The following TBX5 variants were observed in gnomAD, a reference collection of about 807,000 sequenced individuals.
TBX5 encodes the protein T-box transcription factor 5, also known as T-box transcription factor TBX5.
A neutral mutation model predicts 51.1 loss-of-function variants in TBX5; 8 were observed. The ratio of observed to expected loss-of-function variants is 0.16; its 90% CI spans 0.09 to 0.28. TBX5 has a LOEUF of 0.28. Ranked by LOEUF, TBX5 falls within the 10% of genes least tolerant of loss-of-function variation. The pLI is 1.00. For missense variants in TBX5, 589 were observed against 671.7 expected (o/e 0.88, Z 1.36); for synonymous variants, 302 against 266.4 (o/e 1.13, Z -1.30).
intron 6 of TBX5, among the ~76,000 whole-genome samples, chr12:114,387,194 C>G (rs1377376337): frequency 1.3e-5 from 2 of 152,130 alleles, no homozygotes; most frequent in Non-Finnish European, 2.9e-5. Flanking sequence ...AAAATCATCT[C>G]GAGTCTTTCC....
At chr12:114,378,243 A>T (rs538333264) in intron 7 of TBX5, among the ~76,000 whole-genome samples, 2 of 152,284 alleles carry the variant, frequency 1.3e-5, no homozygotes, top group South Asian at 2.1e-4. Flanking sequence ...ATTCTGTGTG[A>T]GGTGAGCTAA....
chr12:114,370,273 GA>G (rs1247160543), intron 7 of TBX5, among the ~76,000 whole-genome samples: 18 of 58,752 alleles, frequency 3.1e-4, no homozygotes, highest in African/African-American at 8.3e-4. Flanking sequence ...GAAAAGAAAA[GA>G]AAAGAAAAGA....
At chr12:114,365,829 CAAAA>C (rs56315440) in intron 8 of TBX5, among the ~76,000 whole-genome samples, 2 of 124,652 alleles carry the variant, frequency 1.6e-5, no homozygotes, top group African/African-American at 3.0e-5. Context: ...GATCCTGTCT[CAAAA>C]AAAAAAAAAA....
Position 114,366,397 on chromosome 12 carries a change from A to C in TBX5, c.756-6T>G, listed in dbSNP as rs531799406. Reference sequence around the variant, plus strand: ...GGACCACGGGATATTCTTTACTGAAAGAGAAAAGATGGGAGATAACGCCTA... The same window carrying C: ...GGACCACGGGATATTCTTTACTGAACGAGAAAAGATGGGAGATAACGCCTA... On this transcript the variant is annotated splice_polypyrimidine_tract_variant and splice_region_variant and intron_variant, in intron 7 of 8. Coordinates refer to ENST00000405440, the MANE Select transcript of TBX5 (RefSeq NM_181486.4). The C allele has an allele frequency of 2.5e-6, 4 of 1,613,900 alleles. No homozygotes were observed. In the East Asian group the frequency reaches 6.7e-5, roughly 27 times the overall value.
At chr12:114,368,897 C>T (rs1869703049) in intron 7 of TBX5, among the ~76,000 whole-genome samples, 1 of 151,998 alleles carries the variant, frequency 6.6e-6, no homozygotes, top group Non-Finnish European at 1.5e-5. Context: ...AAAGCTGGAG[C>T]CATCCGAGCA....
rs115178276 is a variant in TBX5 at position 114,366,311 on chromosome 12, C to T, written c.836G>A (p.Arg279Gln). Residue 279 changes from arginine to glutamine, a missense_variant, in exon 8 of 9, where the codon CGA (arginine) becomes CAA (glutamine). Arg to Gln is a conservative substitution (Grantham distance 43). Coordinates refer to ENST00000405440, the MANE Select transcript of TBX5 (RefSeq NM_181486.4). ...CAAATTGGATGAGGTGGAGAGAGCT[C>T]GAGACTCGCTGCTGAAAGGACTGTG... ...SNHSPFSSES[R>Q]ALSTSSNLGS... 1.7e-4 allele frequency: 267 copies of T among 1,614,034 alleles called. No homozygotes were observed. In the African/African-American group the frequency reaches 2.9e-3, roughly 17 times the overall value.
chr12:114,358,164 T>A (rs1386258343), intron 8 of TBX5, among the ~76,000 whole-genome samples: 1 of 152,204 alleles, frequency 6.6e-6, no homozygotes, highest in Non-Finnish European at 1.5e-5. Flanking sequence ...TCTCTAGATT[T>A]CTAATACCCA....
chr12:114,403,965 G>T, intron 1 of TBX5, 29 bp from the exon 2 acceptor site: 1 of 1,583,894 alleles, frequency 6.3e-7, no homozygotes, highest in South Asian at 1.1e-5. Flanking sequence ...GGGAGATGGG[G>T]GTGGGGAGGA....
At chr12:114,383,674 C>A (rs912863337) in intron 7 of TBX5, among the ~76,000 whole-genome samples, 2 of 152,150 alleles carry the variant, frequency 1.3e-5, no homozygotes, top group African/African-American at 4.8e-5. Context: ...AGCACCCTGG[C>A]AGAAGGGGGC....
chr12:114,381,016 G>C (rs1870477103), intron 7 of TBX5, among the ~76,000 whole-genome samples: 1 of 152,060 alleles, frequency 6.6e-6, no homozygotes, highest in African/African-American at 2.4e-5. Flanking sequence ...ATGACTTTAT[G>C]CTTTGTGCTT....
At chr12:114,384,329 G>A (rs1870675821) in intron 7 of TBX5, among the ~76,000 whole-genome samples, 1 of 151,826 alleles carries the variant, frequency 6.6e-6, no homozygotes, top group East Asian at 1.9e-4. Flanking sequence ...CAACTGCAGT[G>A]CAGTAGTGTG....
chr12:114,395,833 G>A (rs944175446), intron 5 of TBX5, among the ~76,000 whole-genome samples: 4 of 152,062 alleles, frequency 2.6e-5, no homozygotes, highest in African/African-American at 9.7e-5. Context: ...TTAGGAAGAG[G>A]AGGAGGAGGA....
rs1869531674 is a variant in TBX5 at position 114,366,260 on chromosome 12, C to T, written c.887G>A (p.Gly296Asp). The change falls in exon 8 of 9, where the codon GGT becomes GAT. Residue 296 changes from glycine (G) to aspartate (D), a missense_variant. By Grantham distance (94) the Gly-to-Asp change is moderately conservative. Coordinates refer to ENST00000405440, the MANE Select transcript of TBX5 (RefSeq NM_181486.4). ...GAGGTCCTGGGAGGGGCCGGAAACACCATTCTCACACTGGTATTGGGACCC... is the reference window on the plus strand; with the variant it reads ...GAGGTCCTGGGAGGGGCCGGAAACATCATTCTCACACTGGTATTGGGACCC... ...NLGSQYQCEN[G>D]VSGPSQDLLP... 6.2e-7 allele frequency: 1 copy of T among 1,614,066 alleles called. No homozygotes were observed. The highest frequency in any genetic ancestry group is 8.5e-7 in the Non-Finnish European group (1 of 1,180,014).
intron 6 of TBX5, among the ~76,000 whole-genome samples, chr12:114,389,034 C>G (rs1870996873): frequency 6.6e-6 from 1 of 151,974 alleles, no homozygotes; most frequent in Non-Finnish European, 1.5e-5. Context: ...GTTCAAGTGA[C>G]TCTCCTGCCT....
intron 2 of TBX5, among the ~76,000 whole-genome samples, chr12:114,403,113 G>A (rs548752598): frequency 1.4e-4 from 22 of 152,256 alleles, no homozygotes; most frequent in Non-Finnish European, 3.1e-4. Flanking sequence ...TCCTCCCTCT[G>A]CCTGGGCCCA....
rs1434076267 is a variant in TBX5, at chr12:114,355,995, C to A, written c.1094G>T (p.Gly365Val). The change falls in exon 9 of 9, where the codon GGT (glycine) becomes GTT (valine). Residue 365 changes from glycine to valine, a missense_variant. Coordinates refer to ENST00000405440, the MANE Select transcript of TBX5 (RefSeq NM_181486.4). Reference protein sequence around the residue: ...RSSYPQQQGLGASYRTESAQR... With the variant: ...RSSYPQQQGLVASYRTESAQR... Reference sequence around the variant, plus strand: ...TGCCGACTCTGTCCTGTAGGAGGCACCCAGGCCCTGCTGCTGTGGATAGCT... The same window carrying A: ...TGCCGACTCTGTCCTGTAGGAGGCAACCAGGCCCTGCTGCTGTGGATAGCT... The A allele has an allele frequency of 1.2e-6, 2 of 1,614,114 alleles. No homozygotes were observed. The highest frequency in any genetic ancestry group is 1.6e-4 in the Middle Eastern group (1 of 6,062).
intron 1 of TBX5, 26 bp from the exon 2 acceptor site, chr12:114,403,962 G>T: frequency 6.3e-7 from 1 of 1,586,986 alleles, no homozygotes; most frequent in Non-Finnish European, 8.5e-7. Context: ...AGGGGGAGAT[G>T]GGGGTGGGGA....
intron 7 of TBX5, among the ~76,000 whole-genome samples, chr12:114,379,251 T>C (rs1036297241): frequency 2.0e-5 from 3 of 152,304 alleles, no homozygotes; most frequent in African/African-American, 7.2e-5. Flanking sequence ...CTGCTTCCCC[T>C]TGCACACAAC....
chr12:114,404,078 A>G, intron 1 of TBX5, 142 bp from the exon 2 acceptor site: 2 of 763,134 alleles, frequency 2.6e-6, no homozygotes, highest in East Asian at 5.4e-5. Context: ...TCCCAGCCGA[A>G]GGTGACTGCA....
Sources: gnomAD v4.1 joint callset for allele counts (sites outside exome capture counted in the v4.1 genomes callset) on GRCh38, gnomAD v4.1.1 for gene constraint, MANE v1.5 for transcripts, NCBI Gene and HGNC (gene_info 2026-07-23, HGNC 2026-07-21) for gene names.